Variants in ACVR2A observed in about 807,000 individuals in gnomAD.
ACVR2A encodes activin A receptor type 2A, also known as activin receptor type-2A.
Under a neutral mutation model 61.4 loss-of-function variants are expected in ACVR2A, and 7 were observed. That is an observed-to-expected ratio of 0.11 (90% CI 0.06 to 0.21). ACVR2A has a LOEUF of 0.21. Ranked by LOEUF, ACVR2A falls within the 10% of genes least tolerant of loss-of-function variation. The pLI, the probability that ACVR2A is intolerant of heterozygous loss-of-function variation, is 1.00. For synonymous variants in ACVR2A, 193 were observed against 208.3 expected (o/e 0.93, Z 0.63); for missense variants, 322 against 621.7 (o/e 0.52, Z 5.13).
rs1687641353 is a variant in ACVR2A, at chr2:147,930,293, AG to A, written c.*3023del. 1 of 151,670 alleles carries A rather than the reference AG, an allele frequency of 6.6e-6. No homozygotes were observed. Among genetic ancestry groups the A allele is most frequent in the Non-Finnish European group, 1.5e-5 (1 of 67,816 alleles). The allele number at this position is 151,670 out of a possible 1,614,324, so 9.4% of individuals were successfully genotyped here. On this transcript the variant is annotated 3_prime_UTR_variant, in exon 11 of 11. Coordinates refer to ENST00000241416, the MANE Select transcript of ACVR2A (RefSeq NM_001616.5). ...TACATTTAAGTAAAATGCAGGTGGT[AG>A]GGGAAAAAAAACCATGGCGAGATGG...
intron 4 of ACVR2A, among the ~76,000 whole-genome samples, chr2:147,908,211 T>C (rs1232261366): frequency 1.3e-5 from 2 of 152,170 alleles, no homozygotes; most frequent in Admixed American, 1.3e-4. Context: ...TTCTGGTTTT[T>C]TCAGCTACAC....
intron 1 of ACVR2A, among the ~76,000 whole-genome samples, chr2:147,849,205 G>A (rs1485202988): frequency 1.3e-5 from 2 of 152,000 alleles, no homozygotes. Flanking sequence ...ATTGGTTAAG[G>A]TATCAAGTTT....
chr2:147,864,513 A>ATTACAG, intron 1 of ACVR2A, among the ~76,000 whole-genome samples: 1 of 152,274 alleles, frequency 6.6e-6, no homozygotes, highest in Admixed American at 6.5e-5. Flanking sequence ...TACAGGTGTG[A>ATTACAG]GCCACCGTTC....
chr2:147,915,108 G>C lies in ACVR2A; in HGVS notation c.529-83G>C, dbSNP rs796332790. The C allele has an allele frequency of 9.0e-6, 12 of 1,337,706 alleles. No homozygotes were observed. In the African/African-American group the frequency reaches 1.8e-4, roughly 20 times the overall value. 82.9% of individuals were successfully genotyped at this position (1,337,706 alleles called of 1,614,324 possible). A position where few individuals can be genotyped will look rare whatever the true frequency, so the allele number is the denominator to read the frequency against. Reference sequence around the variant, plus strand: ...ACTGTTTCTGTCAGTTGACTTTTCAGTATACTCACTTTTTTTCTCATTTTC... The same window carrying C: ...ACTGTTTCTGTCAGTTGACTTTTCACTATACTCACTTTTTTTCTCATTTTC... On this transcript the variant is annotated intron_variant, in intron 4 of 10. Transcript: ENST00000241416.
chr2:147,886,579 C>T lies in ACVR2A; in HGVS notation c.56-9722C>T, dbSNP rs1308691522. 1.3e-5 allele frequency among the ~76,000 whole-genome samples: 2 copies of T among 152,096 alleles called. 1 individual carries two copies. The highest frequency in any genetic ancestry group is 3.8e-4 in the East Asian group (2 of 5,196). The stretch of plus-strand genomic sequence containing the variant: ...CTATGAAAGATATTGTCATCTTAAT[C>T]AGAAAAAAGTGTAGTGAAATTGATA... On this transcript the variant is annotated intron_variant, in intron 1 of 10. Transcript: ENST00000241416.
intron 8 of ACVR2A, among the ~76,000 whole-genome samples, chr2:147,922,565 CA>C (rs1687409172): frequency 6.6e-6 from 1 of 152,032 alleles, no homozygotes; most frequent in Non-Finnish European, 1.5e-5. Context: ...AACTTTTTAA[CA>C]TCAGTCTGTC....
At chr2:147,864,478 C>T (rs1225523300) in intron 1 of ACVR2A, among the ~76,000 whole-genome samples, 1 of 152,164 alleles carries the variant, frequency 6.6e-6, no homozygotes, top group African/African-American at 2.4e-5. Context: ...GATCCGCCTA[C>T]CTTGGCCTCC....
intron 9 of ACVR2A, among the ~76,000 whole-genome samples, chr2:147,925,307 A>C (rs1482559297): frequency 1.3e-5 from 2 of 151,950 alleles, no homozygotes; most frequent in African/African-American, 2.4e-5. Context: ...AATATATGTA[A>C]AGTTTCTGAT....
intron 10 of ACVR2A, 131 bp downstream of exon 10, chr2:147,926,292 G>C: frequency 8.5e-7 from 1 of 1,182,180 alleles, no homozygotes; most frequent in South Asian, 1.6e-5. Flanking sequence ...GGATATTCTA[G>C]AGTTCTAGAG....
chr2:147,889,700 T>G (rs1455024264), intron 1 of ACVR2A, among the ~76,000 whole-genome samples: 3 of 151,826 alleles, frequency 2.0e-5, no homozygotes, highest in Admixed American at 6.6e-5. Context: ...TGAGCCGAGA[T>G]CGCACCATTG....
At chr2:147,846,140 C>T (rs1308101207) in intron 1 of ACVR2A, among the ~76,000 whole-genome samples, 1 of 152,070 alleles carries the variant, frequency 6.6e-6, no homozygotes, top group Non-Finnish European at 1.5e-5. Context: ...ATAAATACAG[C>T]ATCTAGCTGA....
At chr2:147,874,816 G>A (rs1225965820) in intron 1 of ACVR2A, among the ~76,000 whole-genome samples, 2 of 151,844 alleles carry the variant, frequency 1.3e-5, no homozygotes, top group African/African-American at 2.4e-5. Flanking sequence ...TTGTTGTGGG[G>A]GATGAAATAA....
In ACVR2A at chr2:147,923,044, G is replaced by C; in HGVS notation, c.1149G>C (p.Leu383Phe). 6.2e-7 allele frequency: 1 copy of C among 1,613,466 alleles called. No individual in the cohort carries two copies. Among genetic ancestry groups the C allele is most frequent in the South Asian group, 1.1e-5 (1 of 91,050 alleles). Residue 383 changes from leucine to phenylalanine, a missense_variant, in exon 9 of 11, where the codon TTG becomes TTC. This residue lies in a region of ACVR2A where 146 missense variants were observed against 383.8 expected (regional missense o/e 0.38). Coordinates refer to ENST00000241416, the MANE Select transcript of ACVR2A (RefSeq NM_001616.5). Reference sequence around the variant, plus strand: ...TAAACTTCCAAAGGGATGCATTTTTGAGGATAGATATGTATGCCATGGGAT... The same window carrying C: ...TAAACTTCCAAAGGGATGCATTTTTCAGGATAGATATGTATGCCATGGGAT... ...GAINFQRDAF[L>F]RIDMYAMGLV...
intron 1 of ACVR2A, among the ~76,000 whole-genome samples, chr2:147,868,110 C>T (rs936054398): frequency 1.3e-5 from 2 of 152,140 alleles, no homozygotes; most frequent in African/African-American, 2.4e-5. Context: ...CTGTATTCTC[C>T]GTGAGTGGCT....
chr2:147,916,455 A>G (rs1010434824), intron 5 of ACVR2A, among the ~76,000 whole-genome samples: 3 of 151,934 alleles, frequency 2.0e-5, no homozygotes, highest in African/African-American at 7.2e-5. Flanking sequence ...TAATATGTGT[A>G]CGTATATTAC....
chr2:147,870,770 T>G (rs1685993104), intron 1 of ACVR2A, among the ~76,000 whole-genome samples: 1 of 152,180 alleles, frequency 6.6e-6, no homozygotes. Flanking sequence ...TTTTCATTAC[T>G]TCTCAGTACA....
chr2:147,917,428 T>TA lies in ACVR2A; in HGVS notation c.816+6dup, dbSNP rs757548457. On this transcript the variant is annotated splice_region_variant and intron_variant, in intron 6 of 10. Coordinates refer to ENST00000241416, the MANE Select transcript of ACVR2A (RefSeq NM_001616.5). ...CTGATCACAGCATTTCATGAAAAGG[T>TA]AAAACTACTTAACGTTTTACTTTAG... The TA allele has an allele frequency of 6.2e-7, 1 of 1,611,278 alleles. No individual in the cohort carries two copies. Among genetic ancestry groups the TA allele is most frequent in the Non-Finnish European group, 8.5e-7 (1 of 1,178,334 alleles).
At chr2:147,909,065 G>T (rs928792975) in intron 4 of ACVR2A, among the ~76,000 whole-genome samples, 1 of 152,046 alleles carries the variant, frequency 6.6e-6, no homozygotes, top group African/African-American at 2.4e-5. Context: ...TCACAAACCT[G>T]GTTCTCAGTA....
Position 147,927,448 on chromosome 2 carries a change from G to A in ACVR2A, c.*174G>A, listed in dbSNP as rs1198017468. 34 of 594,288 alleles carry A rather than the reference G, an allele frequency of 5.7e-5. No individual in the cohort carries two copies. In the South Asian group the frequency reaches 6.4e-4, roughly 11 times the overall value. 36.8% of individuals were successfully genotyped at this position (594,288 alleles called of 1,614,324 possible). On this transcript the variant is annotated 3_prime_UTR_variant, in exon 11 of 11. Coordinates refer to ENST00000241416, the MANE Select transcript of ACVR2A (RefSeq NM_001616.5). The stretch of plus-strand genomic sequence containing the variant: ...GCTCTGGGAGACTTACTGCATTGCC[G>A]ACAGCACAGATGTGAAGGACATGAG...
Sources: gnomAD v4.1 joint callset for allele counts (sites outside exome capture counted in the v4.1 genomes callset) on GRCh38, gnomAD v4.1.1 for gene constraint, gnomAD v4.1.1 regional missense constraint, MANE v1.5 for transcripts, NCBI Gene and HGNC (gene_info 2026-07-23, HGNC 2026-07-21) for gene names.